Variants in SAE1 observed in about 807,000 individuals in gnomAD.
The protein encoded by SAE1 is SUMO1 activating enzyme subunit 1.
Under a neutral mutation model 40.6 loss-of-function variants are expected in SAE1, and 11 were observed. The ratio of observed to expected loss-of-function variants is 0.27; its 90% CI spans 0.17 to 0.45. The LOEUF is 0.45. SAE1 is among the 20% of genes least tolerant of loss of function. The pLI is 1.00. For synonymous variants in SAE1, 155 were observed against 154.3 expected (o/e 1.00, Z -0.03); for missense variants, 373 against 427.3 (o/e 0.87, Z 1.12).
intron 6 of SAE1, among the ~76,000 whole-genome samples, chr19:47,173,131 C>T (rs1359989119): frequency 3.3e-5 from 5 of 152,042 alleles, no homozygotes; most frequent in Non-Finnish European, 5.9e-5. Flanking sequence ...TGGGTTCGAG[C>T]GATTCTACAG....
intron 1 of SAE1, among the ~76,000 whole-genome samples, chr19:47,133,281 G>A (rs997755851): frequency 1.3e-5 from 2 of 152,208 alleles, no homozygotes; most frequent in Non-Finnish European, 2.9e-5. Flanking sequence ...GCAATGGCAC[G>A]ATCTCGGCTC....
At chr19:47,163,475 C>G (rs1342633949) in intron 5 of SAE1, among the ~76,000 whole-genome samples, 1 of 152,084 alleles carries the variant, frequency 6.6e-6, no homozygotes, top group Non-Finnish European at 1.5e-5. Context: ...CGCCTGAAAT[C>G]CCAGCACTTT....
chr19:47,201,280 C>G, intron 7 of SAE1, among the ~76,000 whole-genome samples: 1 of 148,802 alleles, frequency 6.7e-6, no homozygotes, highest in South Asian at 2.1e-4. Flanking sequence ...AACTCCTGAC[C>G]TCATGATCCA....
intron 3 of SAE1, among the ~76,000 whole-genome samples, chr19:47,152,091 G>A (rs1014279454): frequency 1.3e-5 from 2 of 152,246 alleles, no homozygotes; most frequent in African/African-American, 2.4e-5. Flanking sequence ...CTAGACAACA[G>A]CAAAGAGGGT....
At chr19:47,143,717 A>G in intron 2 of SAE1, 112 bp downstream of exon 2, 4 of 736,296 alleles carry the variant, frequency 5.4e-6, no homozygotes, top group Non-Finnish European at 9.5e-6. Context: ...AAGGAGGGCT[A>G]ACATTAATAA....
At chr19:47,165,702 C>G (rs1240925072) in intron 5 of SAE1, among the ~76,000 whole-genome samples, 1 of 152,204 alleles carries the variant, frequency 6.6e-6, no homozygotes, top group Non-Finnish European at 1.5e-5. Context: ...CCTTTTGCAT[C>G]TGCTGCTACA....
At chr19:47,190,634 C>T (rs2058572765) in intron 6 of SAE1, among the ~76,000 whole-genome samples, 1 of 152,190 alleles carries the variant, frequency 6.6e-6, no homozygotes, top group South Asian at 2.1e-4. Flanking sequence ...GTGGATGGTG[C>T]CAGCCTGCCG....
At chr19:47,175,471 T>C (rs1489364348) in intron 6 of SAE1, among the ~76,000 whole-genome samples, 4 of 152,162 alleles carry the variant, frequency 2.6e-5, no homozygotes, top group Admixed American at 2.6e-4. Flanking sequence ...GCGCGGTGGC[T>C]TATGCCTGTA....
chr19:47,153,287 AT>A (rs2058298606), intron 4 of SAE1, among the ~76,000 whole-genome samples: 1 of 152,078 alleles, frequency 6.6e-6, no homozygotes, highest in South Asian at 2.1e-4. Context: ...TGATTACAAA[AT>A]AGTTGGGCGA....
At chr19:47,164,865 G>A (rs935876728) in intron 5 of SAE1, among the ~76,000 whole-genome samples, 3 of 151,324 alleles carry the variant, frequency 2.0e-5, no homozygotes, top group African/African-American at 7.3e-5. Flanking sequence ...TGTTAGCCAG[G>A]ATGGTCTCGA....
At chr19:47,151,022 A>C (rs1453432247) in intron 3 of SAE1, among the ~76,000 whole-genome samples, 2 of 152,224 alleles carry the variant, frequency 1.3e-5, no homozygotes, top group African/African-American at 2.4e-5. Context: ...AGTTCCCTGC[A>C]TTCTGGAAAA....
intron 5 of SAE1, among the ~76,000 whole-genome samples, chr19:47,158,754 T>C (rs1032667818): frequency 6.6e-6 from 1 of 152,182 alleles, no homozygotes; most frequent in Non-Finnish European, 1.5e-5. Flanking sequence ...GTTGTCCCCA[T>C]CTATAGCTGA....
intron 3 of SAE1, among the ~76,000 whole-genome samples, chr19:47,152,555 G>A (rs1484225083): frequency 2.0e-5 from 3 of 152,200 alleles, no homozygotes; most frequent in Admixed American, 2.0e-4. Flanking sequence ...AGATTTAGCA[G>A]TATAGAAACA....
intron 6 of SAE1, among the ~76,000 whole-genome samples, chr19:47,172,632 C>CA (rs1274498617): frequency 1.3e-5 from 2 of 151,482 alleles, no homozygotes; most frequent in Non-Finnish European, 2.9e-5. Flanking sequence ...ACCTAGGAGG[C>CA]AAAAGTTGCA....
At chr19:47,186,664 C>T (rs3745621) in intron 6 of SAE1, among the ~76,000 whole-genome samples, 6 of 151,888 alleles carry the variant, frequency 4.0e-5, no homozygotes, top group African/African-American at 9.7e-5. Context: ...AACTTTCATC[C>T]GGCGCCTCGG....
At chr19:47,142,308 T>C (rs970819304) in intron 1 of SAE1, among the ~76,000 whole-genome samples, 35 of 150,618 alleles carry the variant, frequency 2.3e-4, no homozygotes, top group African/African-American at 8.3e-4. Context: ...TGCTTGGACC[T>C]GGGAGGCGGA....
At chr19:47,139,392 C>G (rs2058203328) in intron 1 of SAE1, among the ~76,000 whole-genome samples, 2 of 151,846 alleles carry the variant, frequency 1.3e-5, no homozygotes, top group South Asian at 4.2e-4. Flanking sequence ...TACTTTGTTG[C>G]CCAGGCTGGT....
At chr19:47,166,968 T>C (rs1464777544) in intron 5 of SAE1, among the ~76,000 whole-genome samples, 2 of 152,124 alleles carry the variant, frequency 1.3e-5, no homozygotes, top group African/African-American at 4.8e-5. Flanking sequence ...TTTTTTTTTT[T>C]TGAGACGGCG....
intron 7 of SAE1, among the ~76,000 whole-genome samples, chr19:47,201,025 T>C (rs1179290153): frequency 6.6e-6 from 1 of 151,404 alleles, no homozygotes; most frequent in African/African-American, 2.4e-5. Context: ...GCCCAGCTAT[T>C]TTTTTTTATT....
Sources: allele counts gnomAD v4.1 joint callset (sites outside exome capture counted in the v4.1 genomes callset), GRCh38; gene constraint gnomAD v4.1.1; transcripts MANE v1.5; gene names NCBI Gene and HGNC (gene_info 2026-07-23, HGNC 2026-07-21).